The following RIMS1 variants were observed in gnomAD, a reference collection of about 807,000 sequenced individuals.
RIMS1 encodes regulating synaptic membrane exocytosis protein 1.
A neutral mutation model predicts 214.1 loss-of-function variants in RIMS1; 83 were observed. The ratio of observed to expected loss-of-function variants is 0.39; its 90% CI spans 0.32 to 0.47. The LOEUF is 0.47. RIMS1 is among the 20% of genes least tolerant of loss of function. RIMS1 has a pLI of 0.99. For synonymous variants in RIMS1, 793 were observed against 786.8 expected, an observed-to-expected ratio of 1.01 and a Z score of -0.13; for missense variants, 2,050 against 2,161.8, an observed-to-expected ratio of 0.95 and a Z score of 1.03.
chr6:72,223,110 A>G (rs2059046239), intron 6 of RIMS1, among the ~76,000 whole-genome samples: 1 of 152,186 alleles, frequency 6.6e-6, no homozygotes, highest in South Asian at 2.1e-4. Flanking sequence ...CTCTTGTATT[A>G]TTGTGGCTAT....
At chr6:72,144,286 A>G (rs1488549504) in intron 4 of RIMS1, among the ~76,000 whole-genome samples, 1 of 152,218 alleles carries the variant, frequency 6.6e-6, no homozygotes, top group African/African-American at 2.4e-5. Flanking sequence ...AAAGCAGCTA[A>G]TATGCACTCT....
intron 4 of RIMS1, among the ~76,000 whole-genome samples, chr6:72,171,857 A>G (rs2047080037): frequency 6.6e-6 from 1 of 152,222 alleles, no homozygotes; most frequent in African/African-American, 2.4e-5. Flanking sequence ...ATTCTGAGAG[A>G]TCAAGAAAGA....
At chr6:72,144,408 A>T (rs139501207) in intron 4 of RIMS1, among the ~76,000 whole-genome samples, 1 of 152,222 alleles carries the variant, frequency 6.6e-6, no homozygotes, top group Non-Finnish European at 1.5e-5. Context: ...TCAGTGATGT[A>T]GTATTTTTCT....
At position 72,159,956 on chromosome 6, in the gene RIMS1, A is replaced by G. The variant is rs1013462520; in HGVS notation, c.472-19619A>G. 5.7e-5 allele frequency among the ~76,000 whole-genome samples: 8 copies of G among 139,402 alleles called. 1 individual carries two copies. The Admixed American group carries it at 5.9e-4, about 10-fold the overall frequency. The allele number at this position is 139,402 out of a possible 152,430, so 91.5% of individuals were successfully genotyped here. ...TCGTTGGTAGCTTGATGGGGATGGC[A>G]TTGAATCTATAAATTACCTTGGGCA... is the stretch of plus-strand genomic sequence containing the variant. On this transcript the variant is annotated intron_variant, in intron 4 of 33. Transcript: ENST00000521978.
chr6:72,046,154 C>T (rs2152112149), intron 2 of RIMS1, among the ~76,000 whole-genome samples: 1 of 152,140 alleles, frequency 6.6e-6, no homozygotes, highest in Admixed American at 6.6e-5. Flanking sequence ...TTTGAACTCT[C>T]AGGAAGTTGT....
chr6:72,115,873 T>C (rs1177708466), intron 4 of RIMS1, among the ~76,000 whole-genome samples: 1 of 151,968 alleles, frequency 6.6e-6, no homozygotes, highest in Non-Finnish European at 1.5e-5. Context: ...CCTTCAAAAA[T>C]ATCTTTAAAA....
At chr6:72,309,213 C>G (rs185389561) in intron 27 of RIMS1, among the ~76,000 whole-genome samples, 1 of 152,086 alleles carries the variant, frequency 6.6e-6, no homozygotes, top group Admixed American at 6.5e-5. Flanking sequence ...TCCAAAAAAT[C>G]GACAAAATGA....
chr6:72,123,665 G>T (rs922079705), intron 4 of RIMS1, among the ~76,000 whole-genome samples: 2 of 151,798 alleles, frequency 1.3e-5, no homozygotes, highest in South Asian at 2.1e-4. Flanking sequence ...CCTGTATTGG[G>T]TGCATATATA....
At chr6:72,107,997 GTTTGT>G (rs781715593) in intron 4 of RIMS1, among the ~76,000 whole-genome samples, 19 of 152,010 alleles carry the variant, frequency 1.2e-4, no homozygotes, top group African/African-American at 3.9e-4. Flanking sequence ...TTTTTTGTTT[GTTTGT>G]TTTGTTTTGT....
At chr6:72,303,422 G>C (rs899270085) in intron 26 of RIMS1, among the ~76,000 whole-genome samples, 1 of 151,010 alleles carries the variant, frequency 6.6e-6, no homozygotes, top group Non-Finnish European at 1.5e-5. Flanking sequence ...AGCAAAGAAT[G>C]TGAAAAGAGT....
At chr6:72,368,201 T>G (rs2098101620) in intron 29 of RIMS1, among the ~76,000 whole-genome samples, 7 of 152,064 alleles carry the variant, frequency 4.6e-5, no homozygotes, top group Admixed American at 4.6e-4. Flanking sequence ...CAGCAAGAAA[T>G]TATTTTTCTA....
intron 4 of RIMS1, among the ~76,000 whole-genome samples, chr6:72,150,377 A>T (rs984754876): frequency 5.9e-5 from 9 of 152,134 alleles, no homozygotes; most frequent in African/African-American, 2.2e-4. Context: ...TGGCTTTCAG[A>T]CTTTAAACTG....
At chr6:72,111,610 A>G (rs1158187665) in intron 4 of RIMS1, among the ~76,000 whole-genome samples, 1 of 152,136 alleles carries the variant, frequency 6.6e-6, no homozygotes, top group Non-Finnish European at 1.5e-5. Flanking sequence ...TTGGACTTTT[A>G]TATTGATCTT....
intron 2 of RIMS1, among the ~76,000 whole-genome samples, chr6:71,990,751 G>A (rs993102139): frequency 5.3e-5 from 8 of 152,080 alleles, no homozygotes; most frequent in Non-Finnish European, 1.2e-4. Flanking sequence ...CAGAAGGAAC[G>A]TGTCCCTGGA....
intron 1 of RIMS1, among the ~76,000 whole-genome samples, chr6:71,955,468 A>G (rs1373938276): frequency 1.3e-5 from 2 of 152,150 alleles, no homozygotes; most frequent in Non-Finnish European, 2.9e-5. Context: ...TGCCCAACTT[A>G]TGAACATTCT....
At chr6:72,315,557 C>T (rs1208914324) in intron 28 of RIMS1, among the ~76,000 whole-genome samples, 2 of 152,126 alleles carry the variant, frequency 1.3e-5, no homozygotes, top group Non-Finnish European at 2.9e-5. Flanking sequence ...TACATATTTG[C>T]TCTTAGAATA....
chr6:71,992,276 C>T (rs1420862988), intron 2 of RIMS1, among the ~76,000 whole-genome samples: 6 of 152,118 alleles, frequency 3.9e-5, no homozygotes, highest in African/African-American at 1.2e-4. Context: ...CTTGCCTCCA[C>T]TGCAGTGGAA....
chr6:72,379,391 T>A (rs1273294184), intron 29 of RIMS1, among the ~76,000 whole-genome samples: 1 of 152,242 alleles, frequency 6.6e-6, no homozygotes, highest in East Asian at 1.9e-4. Flanking sequence ...GGAAATGTGG[T>A]CAGTCCTTAA....
At chr6:71,996,131 A>C (rs146354023) in intron 2 of RIMS1, among the ~76,000 whole-genome samples, 1 of 152,174 alleles carries the variant, frequency 6.6e-6, no homozygotes, top group African/African-American at 2.4e-5. Context: ...TCATTTAACC[A>C]TAATTTAACC....
Sources: gnomAD v4.1 joint callset for allele counts (sites outside exome capture counted in the v4.1 genomes callset) on GRCh38, gnomAD v4.1.1 for gene constraint, MANE v1.5 for transcripts, NCBI Gene and HGNC (gene_info 2026-07-23, HGNC 2026-07-21) for gene names.